The following NAALADL2 variants were observed in gnomAD, a reference collection of about 807,000 sequenced individuals.
NAALADL2 encodes the protein inactive N-acetylated-alpha-linked acidic dipeptidase-like protein 2.
A neutral mutation model predicts 87.2 loss-of-function variants in NAALADL2; 76 were observed. That is an observed-to-expected ratio of 0.87 (90% CI 0.72 to 1.05). NAALADL2 has a LOEUF of 1.05. Among genes scored for constraint, NAALADL2 ranks in the 50% least tolerant of loss-of-function variants. NAALADL2 has a pLI of 0.00. For synonymous variants in NAALADL2, 354 were observed against 331.0 expected, an observed-to-expected ratio of 1.07 and a Z score of -0.75; for missense variants, 1,089 against 945.8, an observed-to-expected ratio of 1.15 and a Z score of -1.99.
intron 1 of NAALADL2, among the ~76,000 whole-genome samples, chr3:175,036,528 T>C (rs932920918): frequency 6.6e-5 from 10 of 151,974 alleles, no homozygotes; most frequent in Admixed American, 4.6e-4. Context: ...GCCTCCCAAA[T>C]AGCTGGGACT....
intron 5 of NAALADL2, among the ~76,000 whole-genome samples, chr3:175,415,919 A>G (rs2193851): frequency 0.75 from 112,088 of 149,410 alleles, 42,265 homozygotes; most frequent in East Asian, 0.87. Context: ...TTTGAGAACA[A>G]CCTGGTCAAC....
intron 3 of NAALADL2, among the ~76,000 whole-genome samples, chr3:174,743,439 T>C (rs1017989469): frequency 2.6e-5 from 4 of 151,812 alleles, no homozygotes; most frequent in East Asian, 1.9e-4. Context: ...AATTATAGTT[T>C]TACTAAATAA....
At chr3:175,314,649 A>AGT (rs1464211617) in intron 4 of NAALADL2, among the ~76,000 whole-genome samples, 1 of 97,820 alleles carries the variant, frequency 1.0e-5, no homozygotes, top group Non-Finnish European at 2.1e-5. Flanking sequence ...AGCGTTTTCT[A>AGT]GTATATATAG....
intron 3 of NAALADL2, among the ~76,000 whole-genome samples, chr3:174,815,292 C>T (rs962088242): frequency 2.0e-5 from 3 of 152,100 alleles, no homozygotes; most frequent in African/African-American, 4.8e-5. Flanking sequence ...AGGGTTTTGG[C>T]AGGGTTGGTT....
Position 175,348,828 on chromosome 3 carries a change from G to A in NAALADL2, c.1090+24503G>A, listed in dbSNP as rs182544625. ...ACTGGAGGTAGGACTTCGACACACC[G>A]TTTTGGGGAACACAATTCAATCCGT... On this transcript the variant is annotated intron_variant, in intron 5 of 13. Transcript: ENST00000454872. Among the ~76,000 whole-genome samples, 221 of 152,234 alleles carry A rather than the reference G, an allele frequency of 1.5e-3. 1 individual carries two copies. Among genetic ancestry groups the A allele is most frequent in the South Asian group, 6.4e-3 (31 of 4,822 alleles).
chr3:175,096,191 T>G (rs1721123221), intron 1 of NAALADL2, among the ~76,000 whole-genome samples: 1 of 152,114 alleles, frequency 6.6e-6, no homozygotes, highest in Non-Finnish European at 1.5e-5. Context: ...TTTGGTAACT[T>G]AAGAATCTGT....
chr3:175,287,564 T>C (rs1755136748), intron 4 of NAALADL2, among the ~76,000 whole-genome samples: 1 of 152,206 alleles, frequency 6.6e-6, no homozygotes, highest in Non-Finnish European at 1.5e-5. Context: ...ATGATGACTG[T>C]GGGAGTTTGA....
intron 3 of NAALADL2, among the ~76,000 whole-genome samples, chr3:174,830,505 G>C (rs1436163538): frequency 6.6e-6 from 1 of 151,698 alleles, no homozygotes; most frequent in East Asian, 2.0e-4. Context: ...ATGCTGTTTT[G>C]GTTACTGTAG....
intron 11 of NAALADL2, among the ~76,000 whole-genome samples, chr3:175,674,400 C>T (rs138416384): frequency 3.9e-4 from 60 of 151,960 alleles, no homozygotes; most frequent in African/African-American, 1.4e-3. Flanking sequence ...GCTGGGACTA[C>T]GGATGCACAC....
intron 9 of NAALADL2, among the ~76,000 whole-genome samples, chr3:175,493,723 T>G (rs1728423867): frequency 6.6e-6 from 1 of 152,160 alleles, no homozygotes; most frequent in Non-Finnish European, 1.5e-5. Flanking sequence ...GTCACCGGTA[T>G]AACAAATGCA....
intron 11 of NAALADL2, among the ~76,000 whole-genome samples, chr3:175,724,064 C>T (rs1424626408): frequency 6.6e-6 from 1 of 152,094 alleles, no homozygotes; most frequent in Non-Finnish European, 1.5e-5. Flanking sequence ...GTAACTATGT[C>T]ACAGTTTTAC....
intron 10 of NAALADL2, among the ~76,000 whole-genome samples, chr3:175,607,148 G>A (rs1037373454): frequency 1.6e-4 from 24 of 152,296 alleles, no homozygotes; most frequent in African/African-American, 5.5e-4. Context: ...TTTTTCAGAT[G>A]AGTGTTCCAT....
chr3:174,856,017 A>G (rs1391238331), upstream of NAALADL2, among the ~76,000 whole-genome samples: 4 of 149,372 alleles, frequency 2.7e-5, no homozygotes, highest in Non-Finnish European at 4.4e-5. Context: ...AGAGAGAAGT[A>G]AGAGAGAGAG....
chr3:174,713,217 G>C (rs1352101989), intron 2 of NAALADL2, among the ~76,000 whole-genome samples: 1 of 152,136 alleles, frequency 6.6e-6, no homozygotes, highest in Non-Finnish European at 1.5e-5. Flanking sequence ...CGGACATTTG[G>C]GTTGGTTCCA....
chr3:175,687,346 G>GT (rs373210233), intron 11 of NAALADL2, among the ~76,000 whole-genome samples: 4 of 152,262 alleles, frequency 2.6e-5, no homozygotes, highest in African/African-American at 7.2e-5. Flanking sequence ...TATTTTCAAT[G>GT]TAAGTATTAT....
chr3:175,259,109 G>T (rs1229776556), intron 4 of NAALADL2, among the ~76,000 whole-genome samples: 3 of 152,166 alleles, frequency 2.0e-5, no homozygotes, highest in African/African-American at 4.8e-5. Context: ...TCCAAAGGCA[G>T]CTTTAAACAT....
intron 1 of NAALADL2, among the ~76,000 whole-genome samples, chr3:174,468,990 T>A (rs1716718210): frequency 6.6e-6 from 1 of 151,898 alleles, no homozygotes; most frequent in South Asian, 2.1e-4. Flanking sequence ...TTCGAAGTCC[T>A]GATCTCAGGT....
chr3:175,463,701 G>GCA (rs1553901910), intron 7 of NAALADL2, among the ~76,000 whole-genome samples: 9 of 115,486 alleles, frequency 7.8e-5, no homozygotes, highest in Admixed American at 3.3e-4. Context: ...CTTAGTCGGG[G>GCA]GAGAGAGAGA....
At chr3:175,733,467 T>C (rs1035510513) in intron 11 of NAALADL2, among the ~76,000 whole-genome samples, 1 of 152,184 alleles carries the variant, frequency 6.6e-6, no homozygotes, top group African/African-American at 2.4e-5. Context: ...GCTCCCATGA[T>C]TCAATCATCT....
Sources: allele counts gnomAD v4.1 joint callset (sites outside exome capture counted in the v4.1 genomes callset), GRCh38; gene constraint gnomAD v4.1.1; transcripts MANE v1.5; gene names NCBI Gene and HGNC (gene_info 2026-07-23, HGNC 2026-07-21).